MAD1L1: variants seen among roughly 807,000 people sequenced by gnomAD.
MAD1L1 encodes the protein mitotic spindle assembly checkpoint protein MAD1.
MAD1L1 carries 95 observed loss-of-function variants against 96.9 expected under a neutral mutation model. The ratio of observed to expected loss-of-function variants is 0.98; its 90% CI spans 0.83 to 1.16. MAD1L1 has a LOEUF of 1.16. Among genes scored for constraint, MAD1L1 ranks in the 50% most tolerant of loss-of-function variants. The pLI is 0.00. For synonymous variants in MAD1L1, 473 were observed against 396.6 expected, an observed-to-expected ratio of 1.19 and a Z score of -2.29; for missense variants, 1,007 against 954.4, an observed-to-expected ratio of 1.06 and a Z score of -0.73.
chr7:2,051,171 A>T (rs999565950), intron 12 of MAD1L1, among the ~76,000 whole-genome samples: 1 of 152,172 alleles, frequency 6.6e-6, no homozygotes, highest in East Asian at 1.9e-4. Context: ...AGCCCTTCCC[A>T]GACACCCTGC....
At chr7:1,943,492 C>T (rs1287852742) in intron 16 of MAD1L1, among the ~76,000 whole-genome samples, 1 of 152,220 alleles carries the variant, frequency 6.6e-6, no homozygotes, top group Non-Finnish European at 1.5e-5. Flanking sequence ...AGACAGACTT[C>T]TATGAGTTCA....
chr7:2,151,534 T>C (rs1236028246), intron 10 of MAD1L1, among the ~76,000 whole-genome samples: 1 of 152,246 alleles, frequency 6.6e-6, no homozygotes, highest in Non-Finnish European at 1.5e-5. Context: ...CACCTCCCTC[T>C]GTGGGGAAGC....
At chr7:1,919,616 C>T (rs1462649237) in intron 17 of MAD1L1, among the ~76,000 whole-genome samples, 2 of 152,220 alleles carry the variant, frequency 1.3e-5, no homozygotes, top group African/African-American at 4.8e-5. Flanking sequence ...GCCATCGTCG[C>T]CATCACCATC....
chr7:1,976,009 G>A (rs555584331), intron 15 of MAD1L1, among the ~76,000 whole-genome samples: 1 of 152,362 alleles, frequency 6.6e-6, no homozygotes, highest in South Asian at 2.1e-4. Context: ...CTGGCTGAAA[G>A]GGCTCCTCAG....
intron 10 of MAD1L1, among the ~76,000 whole-genome samples, chr7:2,173,473 C>T (rs569274029): frequency 6.6e-6 from 1 of 152,364 alleles, no homozygotes; most frequent in South Asian, 2.1e-4. Context: ...CTCAAGCTAA[C>T]AGGAGAAGGG....
chr7:2,218,577 C>A lies in MAD1L1; in HGVS notation c.597-534G>T, dbSNP rs569594061. On this transcript the variant is annotated intron_variant, in intron 6 of 18. Coordinates refer to ENST00000265854, the MANE Select transcript of MAD1L1 (RefSeq NM_001013836.2). Reference sequence around the variant, plus strand: ...GCCTGGACATCCCTTCCCAGCCACGCCCCCTCCACCTCCAAGGCACATGAT... The same window carrying A: ...GCCTGGACATCCCTTCCCAGCCACGACCCCTCCACCTCCAAGGCACATGAT... Among the ~76,000 whole-genome samples the A allele has an allele frequency of 2.6e-5, 4 of 152,236 alleles. No individual in the cohort carries two copies. The East Asian group carries it at 7.7e-4, about 29-fold the overall frequency.
At chr7:2,190,441 A>G (rs117355637) in intron 10 of MAD1L1, among the ~76,000 whole-genome samples, 3,613 of 152,332 alleles carry the variant, frequency 0.024, 63 homozygotes, top group Non-Finnish European at 0.039. Flanking sequence ...AAAAACACAA[A>G]CCATAAAGAA....
chr7:1,963,995 A>G (rs1780057072), intron 15 of MAD1L1, among the ~76,000 whole-genome samples: 1 of 152,192 alleles, frequency 6.6e-6, no homozygotes, highest in Non-Finnish European at 1.5e-5. Context: ...CAACCCCCTC[A>G]GTCTTCACAT....
In MAD1L1 at chr7:2,065,635, G is replaced by A. The variant is rs576789282; in HGVS notation, c.1218+3559C>T. Among the ~76,000 whole-genome samples, 12 of 152,250 alleles carry A rather than the reference G, an allele frequency of 7.9e-5. No homozygotes were observed. The East Asian group carries it at 9.7e-4, about 12-fold the overall frequency. On this transcript the variant is annotated intron_variant, in intron 12 of 18. Transcript: ENST00000265854. ...GAAACTCAGACCCTCAACAACTCCA[G>A]AAGACACAAATCTGTCTTTCCCAGT...
At chr7:1,914,942 G>C (rs1250090882) in intron 17 of MAD1L1, among the ~76,000 whole-genome samples, 2 of 152,216 alleles carry the variant, frequency 1.3e-5, no homozygotes, top group Admixed American at 6.5e-5. Flanking sequence ...GTCAGTGCTG[G>C]TTTGTCATGG....
At chr7:2,123,663 G>A (rs570046199) in intron 11 of MAD1L1, among the ~76,000 whole-genome samples, 3 of 152,320 alleles carry the variant, frequency 2.0e-5, no homozygotes, top group Admixed American at 6.5e-5. Flanking sequence ...GGGGACATGC[G>A]ATACCAGGAA....
At chr7:2,009,295 C>G (rs150422817) in intron 13 of MAD1L1, among the ~76,000 whole-genome samples, 216 of 152,344 alleles carry the variant, frequency 1.4e-3, no homozygotes, top group South Asian at 0.012. Flanking sequence ...CTAGGACAGG[C>G]AGCCACAGAC....
intron 10 of MAD1L1, among the ~76,000 whole-genome samples, chr7:2,180,975 TTC>T (rs980754601): frequency 6.6e-6 from 1 of 152,216 alleles, no homozygotes; most frequent in Non-Finnish European, 1.5e-5. Flanking sequence ...TTCATTTTTC[TTC>T]TCTCTCTGCT....
At chr7:2,058,714 G>A (rs1345975575) in intron 12 of MAD1L1, among the ~76,000 whole-genome samples, 2 of 128,952 alleles carry the variant, frequency 1.6e-5, no homozygotes, top group South Asian at 2.9e-4. Flanking sequence ...CAGGGGAGAG[G>A]AGAGGCGCAG....
chr7:2,140,210 G>C (rs982567511), intron 11 of MAD1L1, among the ~76,000 whole-genome samples: 3 of 152,150 alleles, frequency 2.0e-5, no homozygotes, highest in Non-Finnish European at 4.4e-5. Flanking sequence ...GCTTCCTCTG[G>C]GCCTTCCCCA....
chr7:2,149,355 T>C (rs1215324326), intron 10 of MAD1L1, 117 bp from the exon 11 acceptor site: 2 of 813,022 alleles, frequency 2.5e-6, no homozygotes, highest in Non-Finnish European at 4.2e-6. Context: ...GGACCCAGGA[T>C]GTGTGAACTC....
intron 18 of MAD1L1, chr7:1,849,423 CT>C (rs1654508472): frequency 6.6e-6 from 1 of 152,260 alleles, no homozygotes; most frequent in Admixed American, 6.5e-5. Context: ...CCGGGTGAAG[CT>C]TTGCTTTATG....
intron 16 of MAD1L1, among the ~76,000 whole-genome samples, chr7:1,942,716 G>A (rs1395037291): frequency 6.6e-6 from 1 of 152,168 alleles, no homozygotes; most frequent in Non-Finnish European, 1.5e-5. Flanking sequence ...GAGACTCCCA[G>A]GGCTGATCTG....
intron 12 of MAD1L1, among the ~76,000 whole-genome samples, chr7:2,017,953 G>A (rs535873946): frequency 2.5e-4 from 38 of 152,252 alleles, no homozygotes; most frequent in Non-Finnish European, 4.6e-4. Flanking sequence ...TCAGAGCAGC[G>A]AGACCAGGAA....
Sources: allele counts gnomAD v4.1 joint callset (sites outside exome capture counted in the v4.1 genomes callset), GRCh38; gene constraint gnomAD v4.1.1; transcripts MANE v1.5; gene names NCBI Gene and HGNC (gene_info 2026-07-23, HGNC 2026-07-21).